Variants in DCC observed in about 807,000 individuals in gnomAD.
DCC encodes the protein DCC netrin 1 receptor, also known as netrin receptor DCC.
In DCC, 58 loss-of-function variants were observed where a neutral mutation model predicts 172.5. That is an observed-to-expected ratio of 0.34 (90% CI 0.27 to 0.42). The LOEUF (loss-of-function observed/expected upper bound fraction) is 0.42, where lower values mean the gene tolerates loss of function less well. Among genes scored for constraint, DCC ranks in the 10% least tolerant of loss-of-function variants. DCC has a pLI of 1.00. For synonymous variants in DCC, 709 were observed against 644.5 expected, an observed-to-expected ratio of 1.10 and a Z score of -1.52; for missense variants, 1,740 against 1,791.0, an observed-to-expected ratio of 0.97 and a Z score of 0.51.
chr18:53,378,400 G>A (rs73957181), intron 15 of DCC, among the ~76,000 whole-genome samples: 12 of 149,822 alleles, frequency 8.0e-5, no homozygotes, highest in Non-Finnish European at 1.6e-4. Context: ...GTTCAATGGC[G>A]ATTGTTGAGT....
intron 1 of DCC, among the ~76,000 whole-genome samples, chr18:52,707,186 TTGAA>T (rs1231143425): frequency 6.6e-6 from 1 of 152,226 alleles, no homozygotes; most frequent in Non-Finnish European, 1.5e-5. Flanking sequence ...TTCTACTCCT[TTGAA>T]TGTTAAACTT....
chr18:52,735,617 T>TAAGTCCAA (rs200271228), intron 1 of DCC, among the ~76,000 whole-genome samples: 3,100 of 130,006 alleles, frequency 0.024, 121 homozygotes, highest in East Asian at 0.2. Context: ...ATCACTGGTA[T>TAAGTCCAA]AAGTCCAAAA....
rs1375488997 is a variant in DCC, at chr18:53,340,635, T to G, written c.2359+728T>G. Among the ~76,000 whole-genome samples the G allele has an allele frequency of 3.9e-5, 6 of 152,320 alleles. No homozygotes were observed. The East Asian group carries it at 1.2e-3, about 29-fold the overall frequency. On this transcript the variant is annotated intron_variant, in intron 15 of 28. Transcript: ENST00000442544. ...TCTAATGTGTGTAAAAGTGTTCATA[T>G]TCATTTTAGATCTGATTTCCCATAG...
intron 1 of DCC, among the ~76,000 whole-genome samples, chr18:52,586,222 T>A (rs2033670833): frequency 1.3e-5 from 2 of 152,192 alleles, no homozygotes; most frequent in Admixed American, 1.3e-4. Context: ...ATTCAGTCAT[T>A]TTCTTCCAAT....
At chr18:53,197,682 C>T (rs117317876) in intron 9 of DCC, among the ~76,000 whole-genome samples, 1 of 151,980 alleles carries the variant, frequency 6.6e-6, no homozygotes, top group East Asian at 1.9e-4. Context: ...TTGAAAACCT[C>T]ATATTCAGAT....
chr18:52,606,900 T>G, intron 1 of DCC, among the ~76,000 whole-genome samples: 1 of 152,210 alleles, frequency 6.6e-6, no homozygotes, highest in South Asian at 2.1e-4. Flanking sequence ...CTGATTAAGC[T>G]ATTATTTATG....
At chr18:53,417,630 C>T (rs191406043) in intron 21 of DCC, among the ~76,000 whole-genome samples, 4 of 151,788 alleles carry the variant, frequency 2.6e-5, no homozygotes, top group East Asian at 1.9e-4. Flanking sequence ...TTGAAGCTTC[C>T]GTAGACAGAT....
At chr18:53,357,571 G>T (rs780201756) in intron 15 of DCC, among the ~76,000 whole-genome samples, 2 of 152,198 alleles carry the variant, frequency 1.3e-5, no homozygotes, top group African/African-American at 4.8e-5. Context: ...GAAACAAAGT[G>T]CATCATAAGT....
At chr18:53,128,519 C>G (rs1307369919) in intron 7 of DCC, among the ~76,000 whole-genome samples, 2 of 152,016 alleles carry the variant, frequency 1.3e-5, no homozygotes, top group Non-Finnish European at 2.9e-5. Flanking sequence ...ATTTGCAAAC[C>G]ATTTCTTCTG....
At chr18:53,251,656 T>C (rs1240779098) in intron 12 of DCC, among the ~76,000 whole-genome samples, 1 of 151,828 alleles carries the variant, frequency 6.6e-6, no homozygotes, top group Non-Finnish European at 1.5e-5. Flanking sequence ...TACAGCACTA[T>C]CAAATTGCGT....
chr18:53,047,580 A>C (rs2042273773), intron 5 of DCC, among the ~76,000 whole-genome samples: 1 of 149,228 alleles, frequency 6.7e-6, no homozygotes, highest in Non-Finnish European at 1.5e-5. Flanking sequence ...CAATTGTAAA[A>C]TCATATTTGT....
intron 14 of DCC, among the ~76,000 whole-genome samples, chr18:53,335,968 T>C (rs1177313588): frequency 6.6e-6 from 1 of 152,152 alleles, no homozygotes; most frequent in Non-Finnish European, 1.5e-5. Context: ...AGACCGCCCC[T>C]GTGAGTTAAT....
At chr18:53,060,273 A>C (rs1297619627) in intron 5 of DCC, among the ~76,000 whole-genome samples, 1 of 152,066 alleles carries the variant, frequency 6.6e-6, no homozygotes, top group East Asian at 1.9e-4. Flanking sequence ...GCCTCTAGGG[A>C]TCTGCCCACC....
intron 21 of DCC, chr18:53,416,633 T>C: frequency 5.1e-6 from 1 of 195,646 alleles, no homozygotes; most frequent in Non-Finnish European, 1.1e-5. Context: ...TTTAGGGCAT[T>C]ATCATTGTTC....
At chr18:52,655,966 G>C (rs1461026455) in intron 1 of DCC, among the ~76,000 whole-genome samples, 1 of 126,886 alleles carries the variant, frequency 7.9e-6, no homozygotes, top group Non-Finnish European at 1.7e-5. Flanking sequence ...ATGTGTGTGT[G>C]TGTGTGTGTG....
chr18:52,353,804 G>A (rs1984238136), intron 1 of DCC, among the ~76,000 whole-genome samples: 1 of 152,114 alleles, frequency 6.6e-6, no homozygotes, highest in Admixed American at 6.5e-5. Context: ...TGTTCCTCCT[G>A]GGGAGAGAAG....
chr18:53,458,116 G>T (rs1486994403), intron 23 of DCC, among the ~76,000 whole-genome samples: 6 of 152,112 alleles, frequency 3.9e-5, no homozygotes. Context: ...TGCAAATTAA[G>T]GAAGTGGGAA....
At chr18:52,681,536 T>C (rs1030271688) in intron 1 of DCC, among the ~76,000 whole-genome samples, 4 of 151,996 alleles carry the variant, frequency 2.6e-5, no homozygotes, top group Non-Finnish European at 5.9e-5. Context: ...AATTGGTTGG[T>C]TTGGGGAGAA....
chr18:53,020,867 C>T (rs1395383320), intron 5 of DCC, among the ~76,000 whole-genome samples: 2 of 152,004 alleles, frequency 1.3e-5, no homozygotes, highest in African/African-American at 4.8e-5. Flanking sequence ...GAGTGCAGAG[C>T]CTGCGGATTA....
Sources: allele counts gnomAD v4.1 joint callset (sites outside exome capture counted in the v4.1 genomes callset), GRCh38; gene constraint gnomAD v4.1.1; transcripts MANE v1.5; gene names NCBI Gene and HGNC (gene_info 2026-07-23, HGNC 2026-07-21).